The following TCP11L1 variants were observed in gnomAD, a reference collection of about 807,000 sequenced individuals.
The protein encoded by TCP11L1 is t-complex 11 like 1, also known as T-complex protein 11-like protein 1.
Under a neutral mutation model 48.9 loss-of-function variants are expected in TCP11L1, and 28 were observed. The observed-to-expected ratio is 0.57, with a 90% CI of 0.42 to 0.78. The LOEUF (loss-of-function observed/expected upper bound fraction) is 0.78. TCP11L1 is among the 30% of genes least tolerant of loss of function. The pLI, the probability that TCP11L1 is intolerant of heterozygous loss-of-function variation, is 0.00. For synonymous variants in TCP11L1, 204 were observed against 231.9 expected (o/e 0.88, Z 1.09); for missense variants, 505 against 613.4 (o/e 0.82, Z 1.87).
At chr11:33,067,180 C>T (rs1854643096) in intron 8 of TCP11L1, among the ~76,000 whole-genome samples, 2 of 152,184 alleles carry the variant, frequency 1.3e-5, no homozygotes, top group South Asian at 2.1e-4. Flanking sequence ...AGCACGAGTC[C>T]GCATCTGCAC....
At chr11:33,068,126 C>T (rs1854672651) in intron 8 of TCP11L1, among the ~76,000 whole-genome samples, 2 of 152,088 alleles carry the variant, frequency 1.3e-5, no homozygotes, top group African/African-American at 4.8e-5. Context: ...ACCATGTTGG[C>T]CAGGCTGGTC....
intron 8 of TCP11L1, 22 bp downstream of exon 8, chr11:33,066,033 G>C (rs748816107): frequency 6.2e-7 from 1 of 1,612,516 alleles, no homozygotes; most frequent in Non-Finnish European, 8.5e-7. Context: ...TTTGATGCGT[G>C]GATGGGACGC....
chr11:33,043,236 G>GAA (rs945231305), intron 1 of TCP11L1, among the ~76,000 whole-genome samples: 1 of 75,306 alleles, frequency 1.3e-5, no homozygotes. Flanking sequence ...ACTCCATCTG[G>GAA]AAAAAAAAAA....
At chr11:33,042,792 G>C (rs1436609405) in intron 1 of TCP11L1, among the ~76,000 whole-genome samples, 2 of 152,134 alleles carry the variant, frequency 1.3e-5, no homozygotes, top group African/African-American at 4.8e-5. Context: ...ATTAGGCCAG[G>C]CGCAGTGGCT....
At chr11:33,058,677 C>T (rs1854386532) in intron 5 of TCP11L1, among the ~76,000 whole-genome samples, 1 of 152,020 alleles carries the variant, frequency 6.6e-6, no homozygotes. Flanking sequence ...CATTAATTTC[C>T]TTCAACATTT....
chr11:33,072,845 A>C lies in TCP11L1; in HGVS notation c.*169A>C. On this transcript the variant is annotated 3_prime_UTR_variant, in exon 10 of 10. Transcript: ENST00000334274. ...GTTGAAAAGACTTGTTGAGAAATCC[A>C]CTGAATTCTATTTTGAGAGATTGTA... is the stretch of plus-strand genomic sequence containing the variant. The C allele has an allele frequency of 1.4e-6, 1 of 706,890 alleles. No homozygotes were observed. The highest frequency in any genetic ancestry group is 2.3e-6 in the Non-Finnish European group (1 of 429,374). The allele number at this position is 706,890 out of a possible 1,614,324, so 43.8% of individuals were successfully genotyped here. A position where few individuals can be genotyped will look rare whatever the true frequency, so the allele number is the denominator to read the frequency against.
At chr11:33,044,052 A>G (rs1853915906) in intron 2 of TCP11L1, 116 bp downstream of exon 2, 1 of 1,070,434 alleles carries the variant, frequency 9.3e-7, no homozygotes. Flanking sequence ...TAACATTGCC[A>G]ATGTAGCATT....
chr11:33,072,377 T>C, intron 9 of TCP11L1, 97 bp from the exon 10 acceptor site: 1 of 1,296,178 alleles, frequency 7.7e-7, no homozygotes. Flanking sequence ...GGGGACAACT[T>C]CCCCTAAGAG....
In TCP11L1 at chr11:33,072,936, C is replaced by G; in HGVS notation, c.*260C>G. On this transcript the variant is annotated 3_prime_UTR_variant, in exon 10 of 10. Transcript: ENST00000334274. ...CTCGAGTTTTACAGGTAACACTCAGCTGTTGTCTCCACTCCTCCCCCATCA... is the reference window on the plus strand; with the variant it reads ...CTCGAGTTTTACAGGTAACACTCAGGTGTTGTCTCCACTCCTCCCCCATCA... 2.2e-6 allele frequency: 1 copy of G among 454,378 alleles called. No homozygotes were observed. Among genetic ancestry groups the G allele is most frequent in the Non-Finnish European group, 4.0e-6 (1 of 247,918 alleles). 28.1% of individuals were successfully genotyped at this position (454,378 alleles called of 1,614,324 possible). A position where few individuals can be genotyped will look rare whatever the true frequency, so the allele number is the denominator to read the frequency against.
At position 33,072,748 on chromosome 11, in the gene TCP11L1, T is replaced by C. The variant is rs945548304; in HGVS notation, c.*72T>C. 4 of 1,551,278 alleles carry C rather than the reference T, an allele frequency of 2.6e-6. No homozygotes were observed. In the African/African-American group the frequency reaches 5.4e-5, roughly 21 times the overall value. On this transcript the variant is annotated 3_prime_UTR_variant, in exon 10 of 10. Transcript: ENST00000334274. ...ACCTGTTCTGTACTCTAATGTTGCA[T>C]TGGAAAATGGCTATATAGTACATGT...
intron 9 of TCP11L1, among the ~76,000 whole-genome samples, chr11:33,071,932 ACCT>A (rs972126870): frequency 4.6e-5 from 7 of 151,782 alleles, no homozygotes; most frequent in Non-Finnish European, 8.8e-5. Context: ...TGTAACCTCC[ACCT>A]CCTGGGTTCA....
Position 33,057,543 on chromosome 11 carries a change from A to G in TCP11L1, c.417+308A>G, listed in dbSNP as rs113301981. 2.6e-5 allele frequency among the ~76,000 whole-genome samples: 4 copies of G among 152,374 alleles called. 1 individual carries two copies. The highest frequency in any genetic ancestry group is 9.6e-5 in the African/African-American group (4 of 41,586). The stretch of plus-strand genomic sequence containing the variant: ...CAAAAAGTGACTCAGCCTTTGGGAC[A>G]GAGAAAGCTTTAGGTGGAGGGACTG... On this transcript the variant is annotated intron_variant, in intron 4 of 9. Coordinates refer to ENST00000334274, the MANE Select transcript of TCP11L1 (RefSeq NM_018393.4).
chr11:33,058,182 G>A lies in TCP11L1; in HGVS notation c.638+43G>A, dbSNP rs538579959. 2.6e-5 allele frequency: 39 copies of A among 1,504,520 alleles called. No homozygotes were observed. In the South Asian group the frequency reaches 4.9e-4, roughly 19 times the overall value. 93.2% of individuals were successfully genotyped at this position (1,504,520 alleles called of 1,614,324 possible). ...TCATACTCCGTGCAACTACAATTCA[G>A]AGGCATTTTCTTTTTTTTCTTTTCT... On this transcript the variant is annotated intron_variant, in intron 5 of 9. Coordinates refer to ENST00000334274, the MANE Select transcript of TCP11L1 (RefSeq NM_018393.4).
chr11:33,059,247 A>ACT (rs778708585), intron 6 of TCP11L1, 152 bp downstream of exon 6: 132 of 1,058,400 alleles, frequency 1.2e-4, no homozygotes, highest in Non-Finnish European at 1.7e-4. Context: ...AAATGTTGGG[A>ACT]CTACATCTAG....
At position 33,054,549 on chromosome 11, in the gene TCP11L1, C is replaced by G. The variant is rs765692114; in HGVS notation, c.164-44C>G. 2.5e-6 allele frequency: 4 copies of G among 1,583,382 alleles called. No individual in the cohort carries two copies. The African/African-American group carries it at 5.5e-5, about 22-fold the overall frequency. ...CTGTTTTCTTATTTTAGTAGAAATT[C>G]AGATCCAGGGAAGCAAATCTCTTAC... On this transcript the variant is annotated intron_variant, in intron 2 of 9. Transcript: ENST00000334274.
intron 2 of TCP11L1, among the ~76,000 whole-genome samples, chr11:33,044,311 TGTGA>T (rs140866614): frequency 0.077 from 11,725 of 152,010 alleles, 658 homozygotes; most frequent in East Asian, 0.28. Context: ...TAAAAAAAAA[TGTGA>T]GTAAGTTCAC....
intron 1 of TCP11L1, chr11:33,040,441 A>T (rs1161510742): frequency 6.6e-6 from 1 of 152,198 alleles, no homozygotes; most frequent in African/African-American, 2.4e-5. Flanking sequence ...GCTAGTAAAG[A>T]GCCAGAATTG....
intron 2 of TCP11L1, 163 bp downstream of exon 2, chr11:33,044,099 T>A: frequency 1.6e-6 from 1 of 618,358 alleles, no homozygotes; most frequent in Non-Finnish European, 2.6e-6. Context: ...GCAGCCTAGC[T>A]ACTTGTGGAT....
chr11:33,072,926 T>A lies in TCP11L1; in HGVS notation c.*250T>A. ...GCATTTTGTTCTCGAGTTTTACAGG[T>A]AACACTCAGCTGTTGTCTCCACTCC... On this transcript the variant is annotated 3_prime_UTR_variant, in exon 10 of 10. Transcript: ENST00000334274. The A allele has an allele frequency of 2.1e-6, 1 of 486,034 alleles. No homozygotes were observed. The highest frequency in any genetic ancestry group is 3.7e-6 in the Non-Finnish European group (1 of 268,138). 30.1% of individuals were successfully genotyped at this position (486,034 alleles called of 1,614,324 possible).
Sources: gnomAD v4.1 joint callset for allele counts (sites outside exome capture counted in the v4.1 genomes callset) on GRCh38, gnomAD v4.1.1 for gene constraint, MANE v1.5 for transcripts, NCBI Gene and HGNC (gene_info 2026-07-23, HGNC 2026-07-21) for gene names.